Variants in PACS1 observed in about 807,000 individuals in gnomAD.
PACS1 encodes phosphofurin acidic cluster sorting protein 1.
In PACS1, 24 loss-of-function variants were observed where a neutral mutation model predicts 115.0. The ratio of observed to expected loss-of-function variants is 0.21; its 90% CI spans 0.15 to 0.29. PACS1 has a LOEUF of 0.29. Ranked by LOEUF, PACS1 falls within the 10% of genes least tolerant of loss-of-function variation. The probability of loss-of-function intolerance (pLI) is 1.00; values close to 1 mark genes in which losing one functional copy is unlikely to be tolerated. For missense variants in PACS1, 838 were observed against 1,251.2 expected (o/e 0.67, Z 4.98); for synonymous variants, 453 against 504.5 (o/e 0.90, Z 1.37).
chr11:66,200,366 AAAACATGATCC>A (rs1854757976), intron 2 of PACS1, among the ~76,000 whole-genome samples: 1 of 152,130 alleles, frequency 6.6e-6, no homozygotes, highest in Non-Finnish European at 1.5e-5. Flanking sequence ...AACAAAAACG[AAAACATGATCC>A]AAACATCTAT....
rs1424940526 is a variant in PACS1, at chr11:66,244,133, TCCCAGCCCCTCA to T, written c.*860_*871del. The T allele has an allele frequency of 2.0e-5, 3 of 152,176 alleles. No individual in the cohort carries two copies. The highest frequency in any genetic ancestry group is 2.9e-5 in the Non-Finnish European group (2 of 68,144). 9.4% of individuals were successfully genotyped at this position (152,176 alleles called of 1,614,324 possible). On this transcript the variant is annotated 3_prime_UTR_variant, in exon 24 of 24. Coordinates refer to ENST00000320580, the MANE Select transcript of PACS1 (RefSeq NM_018026.4). ...TGTTAATGATGCTCCTGCCTCTGCC[TCCCAGCCCCTCA>T]CCCAGCACAGCTCTGCCTGGACTTG...
chr11:66,115,894 A>G (rs771260751), intron 1 of PACS1, among the ~76,000 whole-genome samples: 3 of 152,212 alleles, frequency 2.0e-5, no homozygotes, highest in Non-Finnish European at 4.4e-5. Flanking sequence ...TGGCGGTTTC[A>G]GTTATCTTGA....
chr11:66,231,940 G>A (rs1323065367), intron 13 of PACS1: 1 of 450,726 alleles, frequency 2.2e-6, no homozygotes. Context: ...GACAACCGCT[G>A]TGGCTTTGTT....
intron 1 of PACS1, among the ~76,000 whole-genome samples, chr11:66,192,605 G>A (rs1018110267): frequency 2.0e-5 from 3 of 152,246 alleles, no homozygotes; most frequent in African/African-American, 7.2e-5. Context: ...AATCCAGCCG[G>A]ATTCTCTGGA....
At chr11:66,165,426 T>C (rs575691266) in intron 1 of PACS1, among the ~76,000 whole-genome samples, 255 of 152,308 alleles carry the variant, frequency 1.7e-3, no homozygotes, top group Non-Finnish European at 3.1e-3. Context: ...CCAATCCCAT[T>C]GCTTTAAATA....
intron 1 of PACS1, among the ~76,000 whole-genome samples, chr11:66,168,414 C>A (rs913148915): frequency 1.3e-5 from 2 of 150,366 alleles, no homozygotes; most frequent in Non-Finnish European, 2.9e-5. Flanking sequence ...TCTTGCACAT[C>A]TTATGGAGCG....
chr11:66,207,277 G>A (rs1370312664), intron 2 of PACS1, among the ~76,000 whole-genome samples: 6 of 152,124 alleles, frequency 3.9e-5, no homozygotes, highest in Non-Finnish European at 7.4e-5. Flanking sequence ...GGCCAGCCTG[G>A]CCAACATGAT....
intron 1 of PACS1, among the ~76,000 whole-genome samples, chr11:66,107,297 C>T (rs1177123313): frequency 6.6e-6 from 1 of 152,160 alleles, no homozygotes; most frequent in Non-Finnish European, 1.5e-5. Context: ...TTCATTTTCA[C>T]TCCTCCTCAA....
At chr11:66,120,838 C>T (rs1858420682) in intron 1 of PACS1, among the ~76,000 whole-genome samples, 1 of 152,234 alleles carries the variant, frequency 6.6e-6, no homozygotes, top group African/African-American at 2.4e-5. Flanking sequence ...GCTAGAACTC[C>T]TCACTTCCCT....
rs1415929143 is a variant in PACS1, at chr11:66,070,349, G to C, written c.-138G>C. On this transcript the variant is annotated 5_prime_UTR_variant, in exon 1 of 24. Transcript: ENST00000320580. This position sits in a 1 kb window ranked among gnomAD's most constrained non-coding sequence, Gnocchi z 5.9. The stretch of plus-strand genomic sequence containing the variant: ...CCGCGCGCCCAGAGGCCCCGCGCGT[G>C]CGTGCAGCTCGCTGGCTGCTCGCGC... 25 of 363,242 alleles carry C rather than the reference G, an allele frequency of 6.9e-5. No homozygotes were observed. Among genetic ancestry groups the C allele is most frequent in the Non-Finnish European group, 1.0e-4 (24 of 230,476 alleles). The allele number at this position is 363,242 out of a possible 1,614,324, so 22.5% of individuals were successfully genotyped here.
chr11:66,198,649 G>A (rs1485915991), intron 2 of PACS1, among the ~76,000 whole-genome samples: 5 of 152,178 alleles, frequency 3.3e-5, no homozygotes, highest in African/African-American at 1.2e-4. Flanking sequence ...TTTCTTTGTT[G>A]AATGATGAGA....
chr11:66,228,932 G>A (rs1167877923), intron 11 of PACS1, among the ~76,000 whole-genome samples: 1 of 152,160 alleles, frequency 6.6e-6, no homozygotes, highest in African/African-American at 2.4e-5. Flanking sequence ...AGGCAGGGAA[G>A]TAGGCAGGTG....
intron 1 of PACS1, among the ~76,000 whole-genome samples, chr11:66,107,172 C>G (rs1295247245): frequency 1.3e-5 from 2 of 152,214 alleles, no homozygotes; most frequent in Non-Finnish European, 2.9e-5. Context: ...TGACCACCTA[C>G]TACTTCCTCC....
chr11:66,210,140 C>T (rs547465937), intron 2 of PACS1, among the ~76,000 whole-genome samples: 20 of 152,030 alleles, frequency 1.3e-4, no homozygotes, highest in Non-Finnish European at 2.6e-4. Flanking sequence ...AAGTGATCCT[C>T]GCACCTCAGC....
chr11:66,241,756 A>C (rs1855819913), intron 22 of PACS1, 103 bp downstream of exon 22: 3 of 938,370 alleles, frequency 3.2e-6, no homozygotes, highest in African/African-American at 1.6e-5. Context: ...TGGGATGAAG[A>C]AGCATCCCAT....
intron 22 of PACS1, among the ~76,000 whole-genome samples, chr11:66,242,435 C>T (rs917076056): frequency 6.6e-6 from 1 of 152,238 alleles, no homozygotes; most frequent in East Asian, 1.9e-4. Context: ...CAGAAACTTG[C>T]AAGGGGAAGC....
chr11:66,071,294 C>T (rs1418698612), intron 1 of PACS1, among the ~76,000 whole-genome samples: 1 of 152,192 alleles, frequency 6.6e-6, no homozygotes, highest in Non-Finnish European at 1.5e-5. Flanking sequence ...TATAATCACC[C>T]TAGGGGCTTC....
intron 10 of PACS1, among the ~76,000 whole-genome samples, chr11:66,225,550 A>G (rs983116665): frequency 6.6e-6 from 1 of 152,264 alleles, no homozygotes; most frequent in African/African-American, 2.4e-5. Flanking sequence ...TGATTTAATC[A>G]TTTCACAGTG....
At chr11:66,175,569 C>T (rs1211491849) in intron 1 of PACS1, among the ~76,000 whole-genome samples, 3 of 152,210 alleles carry the variant, frequency 2.0e-5, no homozygotes, top group Non-Finnish European at 4.4e-5. Flanking sequence ...TTCACTGTCA[C>T]TTTGCTACGT....
Sources: allele counts gnomAD v4.1 joint callset (sites outside exome capture counted in the v4.1 genomes callset), GRCh38; gene constraint gnomAD v4.1.1; non-coding constraint Gnocchi (gnomAD v3.1); transcripts MANE v1.5; gene names NCBI Gene and HGNC (gene_info 2026-07-23, HGNC 2026-07-21).